The following VPS13B variants were observed in gnomAD, a reference collection of about 807,000 sequenced individuals.
The protein encoded by VPS13B is vacuolar protein sorting 13 homolog B.
In VPS13B, 285 loss-of-function variants were observed where a neutral mutation model predicts 426.4. That is an observed-to-expected ratio of 0.67 (90% CI 0.61 to 0.74). The LOEUF is 0.74. Among genes scored for constraint, VPS13B ranks in the 30% least tolerant of loss-of-function variants. The probability of loss-of-function intolerance (pLI) is 0.00; values close to 1 mark genes in which losing one functional copy is unlikely to be tolerated. For missense variants in VPS13B, 4,537 were observed against 4,782.6 expected (o/e 0.95, Z 1.51); for synonymous variants, 1,676 against 1,676.4 (o/e 1.00, Z 0.01).
chr8:99,226,791 T>C (rs191944233), intron 17 of VPS13B, among the ~76,000 whole-genome samples: 62 of 152,356 alleles, frequency 4.1e-4, no homozygotes, highest in African/African-American at 1.5e-3. Flanking sequence ...TTATGTGATA[T>C]ATGTGATATT....
intron 19 of VPS13B, among the ~76,000 whole-genome samples, chr8:99,352,487 A>T (rs766193304): frequency 5.3e-5 from 8 of 152,206 alleles, no homozygotes; most frequent in Non-Finnish European, 8.8e-5. Context: ...GTTTTAAAAG[A>T]TGAAAGAAAA....
At chr8:99,687,884 T>G (rs1029643773) in intron 35 of VPS13B, among the ~76,000 whole-genome samples, 4 of 151,914 alleles carry the variant, frequency 2.6e-5, no homozygotes, top group Middle Eastern at 6.8e-3. Context: ...GTGAGCAGGG[T>G]GATTGGTGGA....
intron 19 of VPS13B, among the ~76,000 whole-genome samples, chr8:99,293,700 A>G (rs1267925852): frequency 6.6e-6 from 1 of 151,996 alleles, no homozygotes; most frequent in African/African-American, 2.4e-5. Flanking sequence ...TTACAAGAAA[A>G]AAACAAACAA....
chr8:99,213,170 T>C (rs537992383), intron 17 of VPS13B, among the ~76,000 whole-genome samples: 1 of 152,296 alleles, frequency 6.6e-6, no homozygotes, highest in Admixed American at 6.5e-5. Flanking sequence ...TACACATCAC[T>C]CTTTATTGTA....
intron 36 of VPS13B, among the ~76,000 whole-genome samples, chr8:99,716,637 C>A (rs547790051): frequency 6.6e-6 from 1 of 152,094 alleles, no homozygotes; most frequent in East Asian, 1.9e-4. Context: ...GTTTTTAAGA[C>A]TTTGTAAACT....
intron 3 of VPS13B, among the ~76,000 whole-genome samples, chr8:99,085,773 T>TG (rs1845745350): frequency 6.6e-6 from 1 of 152,240 alleles, no homozygotes; most frequent in African/African-American, 2.4e-5. Context: ...CGTTGAATAT[T>TG]GGCCCCACTT....
At chr8:99,028,291 G>A (rs987360989) in intron 2 of VPS13B, among the ~76,000 whole-genome samples, 3 of 151,628 alleles carry the variant, frequency 2.0e-5, no homozygotes, top group Admixed American at 1.3e-4. Flanking sequence ...AGGGGCAGCC[G>A]GGCAGAGGTG....
intron 19 of VPS13B, among the ~76,000 whole-genome samples, chr8:99,289,264 T>A (rs1035016341): frequency 6.6e-6 from 1 of 152,104 alleles, no homozygotes; most frequent in African/African-American, 2.4e-5. Flanking sequence ...TTGAATAATA[T>A]CTAAAATCAT....
At chr8:99,074,267 G>T (rs1289775737) in intron 3 of VPS13B, among the ~76,000 whole-genome samples, 2 of 152,080 alleles carry the variant, frequency 1.3e-5, no homozygotes, top group African/African-American at 2.4e-5. Flanking sequence ...TATCATGAAG[G>T]TATGTTGGAT....
intron 19 of VPS13B, among the ~76,000 whole-genome samples, chr8:99,309,019 G>T (rs1431130515): frequency 6.6e-6 from 1 of 152,178 alleles, no homozygotes; most frequent in Admixed American, 6.5e-5. Flanking sequence ...CCCACATTTT[G>T]ATGGAGTTGT....
intron 21 of VPS13B, among the ~76,000 whole-genome samples, chr8:99,423,933 T>G (rs992654072): frequency 2.3e-4 from 35 of 152,190 alleles, no homozygotes; most frequent in Admixed American, 5.9e-4. Flanking sequence ...GTCCGCTTGG[T>G]GCACAGCTGA....
intron 8 of VPS13B, among the ~76,000 whole-genome samples, chr8:99,122,406 C>T (rs570050149): frequency 3.3e-5 from 5 of 151,586 alleles, no homozygotes; most frequent in African/African-American, 1.2e-4. Context: ...AAGTAAATAC[C>T]CCTTTACTTG....
At chr8:99,540,840 C>A (rs963426481) in intron 30 of VPS13B, among the ~76,000 whole-genome samples, 1 of 152,044 alleles carries the variant, frequency 6.6e-6, no homozygotes, top group African/African-American at 2.4e-5. Context: ...GGCCCTATTT[C>A]GAATAACTGT....
At position 99,431,591 on chromosome 8, in the gene VPS13B, G is replaced by A; in HGVS notation, c.3137G>A (p.Cys1046Tyr). The change falls in exon 22 of 62, where the codon TGT (cysteine) becomes TAT (tyrosine). Residue 1046 changes from cysteine to tyrosine, a missense_variant. This residue lies in a region of VPS13B where 4,311 missense variants were observed against 4,474.3 expected (regional missense o/e 0.96). Transcript: ENST00000357162. ...GCCATGTTGAATATATCTGAAAGCT[G>A]TAGAAGTCCTGAAGAAAGAATGAAG... ...VKAMLNISES[C>Y]RSPEERMKEF... The A allele has an allele frequency of 6.2e-7, 1 of 1,613,502 alleles. No individual in the cohort carries two copies. Among genetic ancestry groups the A allele is most frequent in the Non-Finnish European group, 8.5e-7 (1 of 1,179,742 alleles).
chr8:99,460,190 T>G (rs538267602), intron 23 of VPS13B, among the ~76,000 whole-genome samples: 1 of 152,254 alleles, frequency 6.6e-6, no homozygotes, highest in African/African-American at 2.4e-5. Context: ...CTTTTACTAC[T>G]TTATGTGCTT....
At chr8:99,168,726 A>G (rs1195483811) in intron 15 of VPS13B, among the ~76,000 whole-genome samples, 2 of 152,094 alleles carry the variant, frequency 1.3e-5, no homozygotes, top group Non-Finnish European at 2.9e-5. Context: ...TTTCAGTATT[A>G]GAAAGATATC....
chr8:99,870,054 T>C lies in VPS13B; in HGVS notation c.11393-731T>C, dbSNP rs912458669. Among the ~76,000 whole-genome samples, 4 of 152,256 alleles carry C rather than the reference T, an allele frequency of 2.6e-5. No individual in the cohort carries two copies. The East Asian group carries it at 5.8e-4, about 22-fold the overall frequency. Reference sequence around the variant, plus strand: ...GTGTTTAACAGCCGGATTAAGTCGCTTAGCATTTAAGTAGTGTATCTAGGC... The same window carrying C: ...GTGTTTAACAGCCGGATTAAGTCGCCTAGCATTTAAGTAGTGTATCTAGGC... On this transcript the variant is annotated intron_variant, in intron 59 of 61. Coordinates refer to ENST00000357162, the MANE Select transcript of VPS13B (RefSeq NM_152564.5).
At chr8:99,501,566 C>T (rs1821233889) in intron 25 of VPS13B, 121 bp from the exon 26 acceptor site, 12 of 942,210 alleles carry the variant, frequency 1.3e-5, no homozygotes, top group Admixed American at 2.2e-5. Flanking sequence ...ATATGATTAT[C>T]ATTTGCATGT....
At chr8:99,257,398 A>T (rs548455749) in intron 17 of VPS13B, among the ~76,000 whole-genome samples, 1 of 152,180 alleles carries the variant, frequency 6.6e-6, no homozygotes, top group Non-Finnish European at 1.5e-5. Flanking sequence ...TTGTAGGATG[A>T]CAATTTTGTG....
Sources: gnomAD v4.1 joint callset for allele counts (sites outside exome capture counted in the v4.1 genomes callset) on GRCh38, gnomAD v4.1.1 for gene constraint, gnomAD v4.1.1 regional missense constraint, MANE v1.5 for transcripts, NCBI Gene and HGNC (gene_info 2026-07-23, HGNC 2026-07-21) for gene names.